Variants in ADAMTSL1 observed in about 807,000 individuals in gnomAD.
ADAMTSL1 encodes ADAMTS like 1, also known as ADAMTS-like protein 1.
In ADAMTSL1, 126 loss-of-function variants were observed where a neutral mutation model predicts 201.8. The observed-to-expected ratio is 0.62, with a 90% confidence interval of 0.54 to 0.72. The LOEUF is 0.72. Ranked by LOEUF, ADAMTSL1 falls within the 30% of genes least tolerant of loss-of-function variation. The probability of loss-of-function intolerance (pLI) is 0.00; values close to 1 mark genes in which losing one functional copy is unlikely to be tolerated. For synonymous variants in ADAMTSL1, 1,121 were observed against 903.4 expected, an observed-to-expected ratio of 1.24 and a Z score of -4.32; for missense variants, 2,679 against 2,277.8, an observed-to-expected ratio of 1.18 and a Z score of -3.59.
intron 4 of ADAMTSL1, among the ~76,000 whole-genome samples, chr9:18,605,791 G>GT (rs1824972950): frequency 6.6e-6 from 1 of 152,166 alleles, no homozygotes; most frequent in Non-Finnish European, 1.5e-5. Context: ...CTTTCTAAAT[G>GT]TTTTTATTTT....
chr9:18,896,062 T>TAAAC (rs567886364), intron 26 of ADAMTSL1, among the ~76,000 whole-genome samples: 1 of 151,922 alleles, frequency 6.6e-6, no homozygotes, highest in Admixed American at 6.6e-5. Flanking sequence ...TAGAAGAAAA[T>TAAAC]AAACAAACAG....
intron 1 of ADAMTSL1, among the ~76,000 whole-genome samples, chr9:17,934,312 C>T (rs1563904869): frequency 6.6e-6 from 1 of 152,098 alleles, no homozygotes. Context: ...CTAGAATTTC[C>T]AGTTTCATAA....
chr9:18,368,801 A>T (rs992883146), intron 2 of ADAMTSL1, among the ~76,000 whole-genome samples: 3 of 152,204 alleles, frequency 2.0e-5, no homozygotes, highest in African/African-American at 7.2e-5. Context: ...CATTTACTGC[A>T]GATATGTAAA....
Position 18,777,044 on chromosome 9 carries a change from C to G in ADAMTSL1, c.2815C>G (p.Pro939Ala), listed in dbSNP as rs1327662055. The change falls in exon 19 of 29, where the codon CCC (proline) becomes GCC (alanine). Residue 939 changes from proline to alanine, a missense_variant. Coordinates refer to ENST00000380548, the MANE Select transcript of ADAMTSL1 (RefSeq NM_001040272.6). Reference sequence around the variant, plus strand: ...CTATCTCAAGATCCACCGCCTCAAGCCCTCGGATGCAGGCGTCTACACCTG... The same window carrying G: ...CTATCTCAAGATCCACCGCCTCAAGGCCTCGGATGCAGGCGTCTACACCTG... ...FGYLKIHRLK[P>A]SDAGVYTCSA... is the part of the protein sequence containing the mutation. 2 of 1,612,010 alleles carry G rather than the reference C, an allele frequency of 1.2e-6. No homozygotes were observed. The highest frequency in any genetic ancestry group is 1.7e-5 in the Admixed American group (1 of 59,936).
At chr9:18,762,843 A>G (rs1438950139) in intron 16 of ADAMTSL1, among the ~76,000 whole-genome samples, 1 of 152,120 alleles carries the variant, frequency 6.6e-6, no homozygotes, top group Non-Finnish European at 1.5e-5. Context: ...CATTCTTTTT[A>G]TGTTTGAATA....
intron 2 of ADAMTSL1, among the ~76,000 whole-genome samples, chr9:18,223,180 C>T (rs1197412878): frequency 1.3e-5 from 2 of 152,016 alleles, no homozygotes; most frequent in Non-Finnish European, 2.9e-5. Context: ...AATCTGAAAA[C>T]CCAACATTCT....
chr9:18,579,989 G>A (rs575647014), intron 4 of ADAMTSL1, among the ~76,000 whole-genome samples: 60 of 152,212 alleles, frequency 3.9e-4, no homozygotes, highest in African/African-American at 1.4e-3. Context: ...AGCAAATAGA[G>A]AAAAGTATGT....
In ADAMTSL1 at chr9:18,462,707, G is replaced by A. The variant is rs150714703; in HGVS notation, c.208-42122G>A. On this transcript the variant is annotated intron_variant, in intron 2 of 29. Coordinates refer to the ADAMTSL1 transcript ENST00000680146. ...GAATCCTAGCACTTTGAGAAGCCAA[G>A]GTGGGTGGATTACCTGAGGTCAGGA... Among the ~76,000 whole-genome samples the A allele has an allele frequency of 6.0e-3, 919 of 152,218 alleles. 9 individuals carry two copies. The highest frequency in any genetic ancestry group is 0.021 in the African/African-American group (876 of 41,546).
chr9:18,840,786 C>A (rs1825665939), intron 23 of ADAMTSL1, among the ~76,000 whole-genome samples: 1 of 149,608 alleles, frequency 6.7e-6, no homozygotes, highest in Non-Finnish European at 1.5e-5. Context: ...GTATTTTATT[C>A]TCTTTGAAGC....
chr9:18,304,648 C>CTT (rs77501277), intron 2 of ADAMTSL1, among the ~76,000 whole-genome samples: 2 of 142,782 alleles, frequency 1.4e-5, no homozygotes, highest in Admixed American at 7.0e-5. Flanking sequence ...AGGGCCTAAA[C>CTT]TTTTTTTTTT....
At chr9:18,067,383 C>A (rs1329679499) in intron 1 of ADAMTSL1, among the ~76,000 whole-genome samples, 1 of 82,594 alleles carries the variant, frequency 1.2e-5, no homozygotes, top group African/African-American at 2.8e-5. Flanking sequence ...TTAGCAGATA[C>A]TCCTCTTCCT....
At chr9:18,622,678 C>A (rs1423715993) in intron 5 of ADAMTSL1, 2 of 519,726 alleles carry the variant, frequency 3.8e-6, no homozygotes, top group Non-Finnish European at 6.8e-6. Context: ...TGTATCCCAG[C>A]TCCTGCGTGA....
chr9:18,807,932 C>T (rs1178248572), intron 20 of ADAMTSL1, among the ~76,000 whole-genome samples: 1 of 152,142 alleles, frequency 6.6e-6, no homozygotes, highest in African/African-American at 2.4e-5. Context: ...ATCGTGTCCA[C>T]AAACATAGGT....
chr9:18,243,890 A>ACTTAGTCAAGTGGTCACGAATG (rs1054016095), intron 2 of ADAMTSL1, among the ~76,000 whole-genome samples: 1 of 151,064 alleles, frequency 6.6e-6, no homozygotes, highest in African/African-American at 2.4e-5. Flanking sequence ...AGTGGCACCA[A>ACTTAGTCAAGTGGTCACGAATG]CTTAGTCAAG....
chr9:18,553,334 T>C (rs1183877152), intron 3 of ADAMTSL1, among the ~76,000 whole-genome samples: 1 of 151,540 alleles, frequency 6.6e-6, no homozygotes, highest in Non-Finnish European at 1.5e-5. Flanking sequence ...AGTTAAATAG[T>C]ATTTATCCCC....
intron 1 of ADAMTSL1, among the ~76,000 whole-genome samples, chr9:18,051,236 G>C (rs950410595): frequency 2.0e-5 from 3 of 152,192 alleles, no homozygotes; most frequent in African/African-American, 7.2e-5. Context: ...AGGAGGAGGA[G>C]GTTGTAGTGA....
intron 2 of ADAMTSL1, among the ~76,000 whole-genome samples, chr9:18,263,561 A>T (rs1832003917): frequency 6.6e-6 from 1 of 152,164 alleles, no homozygotes; most frequent in South Asian, 2.1e-4. Context: ...TTCCAGCCTG[A>T]CCGCAAATTC....
intron 2 of ADAMTSL1, among the ~76,000 whole-genome samples, 186 bp downstream of exon 2, chr9:18,505,142 C>T (rs1823057428): frequency 6.6e-6 from 1 of 152,196 alleles, no homozygotes; most frequent in South Asian, 2.1e-4. Context: ...TTCTTACGTC[C>T]ATCTGCAGCT....
chr9:17,951,264 G>A (rs1827717094), intron 1 of ADAMTSL1, among the ~76,000 whole-genome samples: 1 of 152,154 alleles, frequency 6.6e-6, no homozygotes, highest in African/African-American at 2.4e-5. Context: ...CATATACTGT[G>A]CTGCTGTAGA....
Sources: gnomAD v4.1 joint callset for allele counts (sites outside exome capture counted in the v4.1 genomes callset) on GRCh38, gnomAD v4.1.1 for gene constraint, MANE v1.5 for transcripts, NCBI Gene and HGNC (gene_info 2026-07-23, HGNC 2026-07-21) for gene names.